COL14A1: variants seen among roughly 807,000 people sequenced by gnomAD.
COL14A1 encodes the protein collagen alpha-1(XIV) chain.
Under a neutral mutation model 230.3 loss-of-function variants are expected in COL14A1, and 136 were observed. The ratio of observed to expected loss-of-function variants is 0.59; its 90% CI spans 0.51 to 0.68. COL14A1 has a LOEUF of 0.68. Among genes scored for constraint, COL14A1 ranks in the 30% least tolerant of loss-of-function variants. The probability of loss-of-function intolerance (pLI) is 0.00; values close to 1 mark genes in which losing one functional copy is unlikely to be tolerated. For synonymous variants in COL14A1, 792 were observed against 784.1 expected (o/e 1.01, Z -0.17); for missense variants, 1,976 against 2,215.8 (o/e 0.89, Z 2.17).
chr8:120,143,296 G>A (rs538315424), intron 1 of COL14A1, among the ~76,000 whole-genome samples: 23 of 152,266 alleles, frequency 1.5e-4, no homozygotes, highest in African/African-American at 5.3e-4. Flanking sequence ...ATCCAGGACT[G>A]GGGGAAGTAG....
At chr8:120,213,645 C>A (rs1170274346) in intron 13 of COL14A1, among the ~76,000 whole-genome samples, 1 of 152,140 alleles carries the variant, frequency 6.6e-6, no homozygotes, top group Admixed American at 6.6e-5. Flanking sequence ...GGGACTCTAA[C>A]CATTTGAAAG....
chr8:120,331,766 C>A (rs1821874889), intron 40 of COL14A1, among the ~76,000 whole-genome samples: 1 of 152,222 alleles, frequency 6.6e-6, no homozygotes, highest in Admixed American at 6.5e-5. Flanking sequence ...TAGAGATTCC[C>A]TGCCCAAGAC....
intron 5 of COL14A1, among the ~76,000 whole-genome samples, chr8:120,186,917 G>A (rs1816670644): frequency 6.6e-6 from 1 of 152,190 alleles, no homozygotes; most frequent in African/African-American, 2.4e-5. Context: ...AGAAATGGAA[G>A]CCAGTCATAA....
At chr8:120,266,609 T>C (rs1819507205) in intron 24 of COL14A1, among the ~76,000 whole-genome samples, 1 of 152,048 alleles carries the variant, frequency 6.6e-6, no homozygotes, top group African/African-American at 2.4e-5. Context: ...GTAAACTGAA[T>C]GGTGGCAAAA....
At chr8:120,157,895 GA>G (rs1209858924) in intron 2 of COL14A1, among the ~76,000 whole-genome samples, 1 of 152,162 alleles carries the variant, frequency 6.6e-6, no homozygotes, top group Non-Finnish European at 1.5e-5. Context: ...CTGAGGCAGA[GA>G]ATTGTTTGAA....
chr8:120,256,694 A>G (rs1236208357), intron 23 of COL14A1, among the ~76,000 whole-genome samples: 1 of 152,238 alleles, frequency 6.6e-6, no homozygotes, highest in Non-Finnish European at 1.5e-5. Flanking sequence ...CACAGGCAAC[A>G]ATTTGAGAAA....
At chr8:120,310,908 A>C (rs1276145105) in intron 37 of COL14A1, among the ~76,000 whole-genome samples, 1 of 152,010 alleles carries the variant, frequency 6.6e-6, no homozygotes, top group Non-Finnish European at 1.5e-5. Flanking sequence ...TCTCATTTTC[A>C]CCATGTTGCT....
intron 5 of COL14A1, among the ~76,000 whole-genome samples, chr8:120,172,758 T>C (rs1816135678): frequency 1.3e-5 from 2 of 152,224 alleles, no homozygotes; most frequent in South Asian, 4.1e-4. Context: ...GTTATTTTTC[T>C]AGTCCAGCAA....
In COL14A1 at chr8:120,288,306, CT is replaced by C. The variant is rs1349248990; in HGVS notation, c.4078-1301del. ...AATTCCTTTTTGAAGGAAAAGGATT[CT>C]CAAGAGTCCCACTGTTGACTTACAT... On this transcript the variant is annotated intron_variant, in intron 33 of 47. Transcript: ENST00000297848. Among the ~76,000 whole-genome samples, 6 of 152,188 alleles carry C rather than the reference CT, an allele frequency of 3.9e-5. No homozygotes were observed. The East Asian group carries it at 1.2e-3, about 29-fold the overall frequency.
chr8:120,357,610 A>G (rs1286385242), intron 45 of COL14A1, among the ~76,000 whole-genome samples: 2 of 152,126 alleles, frequency 1.3e-5, no homozygotes, highest in African/African-American at 2.4e-5. Flanking sequence ...TGTTTAAACC[A>G]TCACACTCTT....
chr8:120,172,395 C>A (rs113094791), intron 5 of COL14A1, among the ~76,000 whole-genome samples: 2,507 of 152,228 alleles, frequency 0.016, 75 homozygotes, highest in African/African-American at 0.056. Context: ...AGGTGATCTA[C>A]CTGCCTCTGT....
chr8:120,348,544 G>A (rs7824821), intron 45 of COL14A1, among the ~76,000 whole-genome samples: 63,546 of 151,774 alleles, frequency 0.42, 13,314 homozygotes, highest in African/African-American at 0.45. Context: ...AGGGTGGGAA[G>A]TGGGTGAGGG....
intron 19 of COL14A1, among the ~76,000 whole-genome samples, chr8:120,239,067 G>A (rs1430554477): frequency 6.6e-6 from 1 of 152,132 alleles, no homozygotes; most frequent in Non-Finnish European, 1.5e-5. Flanking sequence ...TCTTGCCCAG[G>A]CACCAAAATC....
intron 45 of COL14A1, among the ~76,000 whole-genome samples, chr8:120,355,795 T>A (rs1382770926): frequency 6.6e-6 from 1 of 152,334 alleles, no homozygotes; most frequent in African/African-American, 2.4e-5. Context: ...AACCATCTGA[T>A]CATCTAACTA....
rs987289718 is a variant in COL14A1, at chr8:120,345,478, A to C, written c.4992A>C (p.Ser1664=). The C allele has an allele frequency of 6.2e-6, 10 of 1,603,448 alleles. No homozygotes were observed. The African/African-American group carries it at 8.1e-5, about 13-fold the overall frequency. The change falls in exon 45 of 48, where the codon TCA becomes TCC. Residue 1664 remains serine (S), a synonymous_variant. Transcript: ENST00000297848. The stretch of plus-strand genomic sequence containing the variant: ...CTGGGGAGCCTGGGAGGCCAGGCTC[A>C]CCTGGAGCCCCTGGTGAACAAGGAC... ...GPPGEPGRPG[S]PGAPGEQGPP...
At chr8:120,278,312 G>T in intron 27 of COL14A1, 78 bp downstream of exon 27, 1 of 1,511,976 alleles carries the variant, frequency 6.6e-7, no homozygotes, top group Admixed American at 2.2e-5. Flanking sequence ...TTATTTTAAG[G>T]CATAGTAATT....
intron 21 of COL14A1, among the ~76,000 whole-genome samples, chr8:120,248,250 G>A (rs974722018): frequency 6.6e-6 from 1 of 151,960 alleles, no homozygotes; most frequent in Non-Finnish European, 1.5e-5. Context: ...TTTTCCACCA[G>A]TCTCTTAGCC....
chr8:120,199,592 C>T, intron 8 of COL14A1, 26 bp downstream of exon 8: 1 of 1,596,862 alleles, frequency 6.3e-7, no homozygotes, highest in South Asian at 1.1e-5. Flanking sequence ...AGTCTTGTTT[C>T]AACTAAGGGC....
In COL14A1 at chr8:120,162,121, C is replaced by T. The variant is rs534824706; in HGVS notation, c.206-305C>T. On this transcript the variant is annotated intron_variant, in intron 3 of 47. Coordinates refer to ENST00000297848, the MANE Select transcript of COL14A1 (RefSeq NM_021110.4). Reference sequence around the variant, plus strand: ...TTGTGAATTTGGTTTTCTCTAATTTCGACAATTGTTAGTTATCTAATGTAA... The same window carrying T: ...TTGTGAATTTGGTTTTCTCTAATTTTGACAATTGTTAGTTATCTAATGTAA... 5.3e-5 allele frequency among the ~76,000 whole-genome samples: 8 copies of T among 152,130 alleles called. No homozygotes were observed. In the South Asian group the frequency reaches 1.0e-3, roughly 20 times the overall value.
Sources: allele counts gnomAD v4.1 joint callset (sites outside exome capture counted in the v4.1 genomes callset), GRCh38; gene constraint gnomAD v4.1.1; transcripts MANE v1.5; gene names NCBI Gene and HGNC (gene_info 2026-07-23, HGNC 2026-07-21).